The following HTATIP2 variants were observed in gnomAD, a reference collection of about 807,000 sequenced individuals.
HTATIP2 encodes HIV-1 Tat interactive protein 2, also known as protein HTATIP2.
In HTATIP2, 26 loss-of-function variants were observed where a neutral mutation model predicts 24.7. That is an observed-to-expected ratio of 1.05 (90% confidence interval 0.77 to 1.46). The LOEUF is 1.46. Ranked by LOEUF, HTATIP2 falls within the 40% of genes most tolerant of loss-of-function variation. The pLI is 0.00. For synonymous variants in HTATIP2, 99 were observed against 113.2 expected, an observed-to-expected ratio of 0.87 and a Z score of 0.79; for missense variants, 284 against 289.6, an observed-to-expected ratio of 0.98 and a Z score of 0.14.
rs1224697686 is a variant in HTATIP2, at chr11:20,364,433, G to T, written c.195+1G>T. Reference sequence around the variant, plus strand: ...CGACGAGGAAGCTTATAAAAATGTGGTGGGTATTTCAGCTGGGACTCAAAT... The same window carrying T: ...CGACGAGGAAGCTTATAAAAATGTGTTGGGTATTTCAGCTGGGACTCAAAT... On this transcript the variant is annotated splice_donor_variant, in intron 1 of 4. Coordinates refer to ENST00000451739, the MANE Select transcript of HTATIP2 (RefSeq NM_001098522.2). LOFTEE classifies it high-confidence loss of function. 2 of 1,603,248 alleles carry T rather than the reference G, an allele frequency of 1.2e-6. No individual in the cohort carries two copies. Among genetic ancestry groups the T allele is most frequent in the African/African-American group, 1.3e-5 (1 of 74,686 alleles).
intron 2 of HTATIP2, chr11:20,376,363 G>A (rs1848445586): frequency 3.7e-6 from 2 of 537,190 alleles, no homozygotes. Context: ...TTTCCTTATT[G>A]CAGTCCAGTC....
intron 3 of HTATIP2, among the ~76,000 whole-genome samples, chr11:20,380,318 A>C (rs1470075753): frequency 6.6e-6 from 1 of 152,242 alleles, no homozygotes; most frequent in Non-Finnish European, 1.5e-5. Context: ...TAGCAGTCTC[A>C]GCCTGCTATG....
intron 2 of HTATIP2, among the ~76,000 whole-genome samples, chr11:20,371,549 A>C (rs1354257992): frequency 6.6e-6 from 1 of 152,024 alleles, no homozygotes; most frequent in Non-Finnish European, 1.5e-5. Flanking sequence ...CTCCCACCTC[A>C]GCCTCCCAAG....
At chr11:20,372,138 A>G (rs1276609899) in intron 2 of HTATIP2, among the ~76,000 whole-genome samples, 3 of 152,170 alleles carry the variant, frequency 2.0e-5, no homozygotes, top group African/African-American at 7.2e-5. Context: ...TTTTAGAGAC[A>G]GGGTCTCACT....
At chr11:20,379,975 A>G (rs981643091) in intron 3 of HTATIP2, among the ~76,000 whole-genome samples, 10 of 152,214 alleles carry the variant, frequency 6.6e-5, no homozygotes, top group Non-Finnish European at 1.2e-4. Context: ...AGTCTGGAGG[A>G]AAGTAGGTAC....
intron 2 of HTATIP2, among the ~76,000 whole-genome samples, chr11:20,368,861 C>T (rs1255774844): frequency 6.6e-6 from 1 of 152,196 alleles, no homozygotes; most frequent in Non-Finnish European, 1.5e-5. Context: ...GTTGGTTCTT[C>T]ACGTCTCAGG....
In HTATIP2 at chr11:20,383,100, A is replaced by G; in HGVS notation, c.624A>G (p.Arg208=). The part of the protein sequence containing the change: ...GHSVPVVTVV[R]AMLNNVVRPR... ...CTGTGCCTGTGGTGACCGTGGTTAG[A>G]GCAATGCTGAACAATGTGGTGAGAC... Residue 208 remains arginine, a synonymous_variant, in exon 5 of 5, where the codon AGA becomes AGG. Transcript: ENST00000451739. 1.9e-6 allele frequency: 3 copies of G among 1,613,914 alleles called. No homozygotes were observed. In the Admixed American group the frequency reaches 5.0e-5, roughly 27 times the overall value.
At chr11:20,364,982 G>GTTTT (rs67369711) in intron 1 of HTATIP2, among the ~76,000 whole-genome samples, 3 of 138,560 alleles carry the variant, frequency 2.2e-5, no homozygotes, top group South Asian at 2.3e-4. Flanking sequence ...TAAGTTAAAG[G>GTTTT]TTTTTTTTTT....
At chr11:20,378,519 G>T (rs1848476122) in intron 3 of HTATIP2, among the ~76,000 whole-genome samples, 2 of 152,176 alleles carry the variant, frequency 1.3e-5, no homozygotes, top group Admixed American at 1.3e-4. Context: ...TATCAAATAG[G>T]ATTTTTGCTC....
chr11:20,370,429 G>C (rs2133268196), intron 2 of HTATIP2, among the ~76,000 whole-genome samples: 1 of 152,240 alleles, frequency 6.6e-6, no homozygotes, highest in South Asian at 2.1e-4. Context: ...TCCTCACCTG[G>C]TCGTAGTAGG....
chr11:20,364,806 A>G (rs1035653894), intron 1 of HTATIP2, among the ~76,000 whole-genome samples: 2 of 152,070 alleles, frequency 1.3e-5, no homozygotes, highest in Admixed American at 6.5e-5. Context: ...CACTTTGCTG[A>G]TTTTGTCAAC....
Position 20,376,725 on chromosome 11 carries a change from C to T in HTATIP2, c.441+8C>T, listed in dbSNP as rs762169980. ...TTATATCTACAAGTTAAGGTTTGTG[C>T]AAGTTTCTGTTTTTCATACACTTTG... is the stretch of plus-strand genomic sequence containing the variant. On this transcript the variant is annotated splice_region_variant and intron_variant, in intron 3 of 4. Transcript: ENST00000451739. 2 of 1,596,614 alleles carry T rather than the reference C, an allele frequency of 1.3e-6. No homozygotes were observed. Among genetic ancestry groups the T allele is most frequent in the South Asian group, 1.1e-5 (1 of 88,436 alleles).
intron 2 of HTATIP2, among the ~76,000 whole-genome samples, chr11:20,373,786 C>A (rs995552566): frequency 2.6e-5 from 4 of 151,554 alleles, no homozygotes; most frequent in Non-Finnish European, 4.4e-5. Flanking sequence ...TTTCTCTTGG[C>A]ACACTTTCAG....
At chr11:20,371,677 G>T (rs1486045694) in intron 2 of HTATIP2, among the ~76,000 whole-genome samples, 2 of 152,054 alleles carry the variant, frequency 1.3e-5, no homozygotes, top group Non-Finnish European at 2.9e-5. Flanking sequence ...GGGTTCAAGT[G>T]ATCTGCTTGC....
At chr11:20,382,956 C>CTTTCTTTTTTTTTT in intron 4 of HTATIP2, 24 bp from the exon 5 acceptor site, 1 of 1,256,530 alleles carries the variant, frequency 8.0e-7, no homozygotes, top group Non-Finnish European at 1.1e-6. Flanking sequence ...GCTTTTCTTT[C>CTTTCTTTTTTTTTT]TTTTTTTTTT....
chr11:20,365,652 G>C (rs1313796216), intron 1 of HTATIP2, among the ~76,000 whole-genome samples: 1 of 152,144 alleles, frequency 6.6e-6, no homozygotes, highest in South Asian at 2.1e-4. Context: ...TTCATGGGCT[G>C]TGTCAGATAT....
chr11:20,367,057 A>G lies in HTATIP2; in HGVS notation c.196-117A>G. 2.5e-6 allele frequency: 3 copies of G among 1,194,388 alleles called. No homozygotes were observed. In the South Asian group the frequency reaches 4.7e-5, roughly 19 times the overall value. The allele number at this position is 1,194,388 out of a possible 1,614,324, so 74.0% of individuals were successfully genotyped here. A position where few individuals can be genotyped will look rare whatever the true frequency, so the allele number is the denominator to read the frequency against. ...GGAGAAAAGGAATTTGTAAAATTTG[A>G]TGTTAAGTGGACAGGCCTGTCAGTA... On this transcript the variant is annotated intron_variant, in intron 1 of 4. Coordinates refer to ENST00000451739, the MANE Select transcript of HTATIP2 (RefSeq NM_001098522.2).
Position 20,383,216 on chromosome 11 carries a change from G to T in HTATIP2, c.*11G>T, listed in dbSNP as rs1313662080. On this transcript the variant is annotated 3_prime_UTR_variant, in exon 5 of 5. Coordinates refer to ENST00000451739, the MANE Select transcript of HTATIP2 (RefSeq NM_001098522.2). ...TCTCTCAAGCCATGACCACATTGGA[G>T]AAATGGTTTTTATTGTCAACCTTAA... 3 of 1,600,428 alleles carry T rather than the reference G, an allele frequency of 1.9e-6. No homozygotes were observed. Among genetic ancestry groups the T allele is most frequent in the Non-Finnish European group, 1.7e-6 (2 of 1,169,292 alleles).
chr11:20,366,010 C>G (rs2064699460), intron 1 of HTATIP2, among the ~76,000 whole-genome samples: 1 of 147,886 alleles, frequency 6.8e-6, no homozygotes, highest in African/African-American at 2.5e-5. Flanking sequence ...AAATTGAAAT[C>G]TGTGTTTTGA....
Sources: gnomAD v4.1 joint callset for allele counts (sites outside exome capture counted in the v4.1 genomes callset) on GRCh38, gnomAD v4.1.1 for gene constraint, MANE v1.5 for transcripts, NCBI Gene and HGNC (gene_info 2026-07-23, HGNC 2026-07-21) for gene names.